Variants in NR1H4 observed in about 807,000 individuals in gnomAD.
The protein encoded by NR1H4 is bile acid receptor.
A neutral mutation model predicts 58.5 loss-of-function variants in NR1H4; 23 were observed. That is an observed-to-expected ratio of 0.39 (90% CI 0.28 to 0.56). The LOEUF (loss-of-function observed/expected upper bound fraction) is 0.56. Ranked by LOEUF, NR1H4 falls within the 20% of genes least tolerant of loss-of-function variation. NR1H4 has a pLI of 0.58. For synonymous variants in NR1H4, 214 were observed against 198.0 expected (o/e 1.08, Z -0.68); for missense variants, 487 against 576.9 (o/e 0.84, Z 1.60).
chr12:100,542,225 TA>T (rs1954954682), intron 9 of NR1H4, among the ~76,000 whole-genome samples: 1 of 152,120 alleles, frequency 6.6e-6, no homozygotes, highest in Non-Finnish European at 1.5e-5. Flanking sequence ...TACGTGCCTG[TA>T]ATCCCAGTTA....
intron 1 of NR1H4, among the ~76,000 whole-genome samples, chr12:100,485,379 T>C (rs1365169836): frequency 2.0e-5 from 3 of 152,206 alleles, no homozygotes; most frequent in African/African-American, 4.8e-5. Flanking sequence ...TTTGCTGATC[T>C]CTGCAGTAGA....
chr12:100,533,906 T>G (rs760020812), intron 5 of NR1H4, among the ~76,000 whole-genome samples: 63 of 151,648 alleles, frequency 4.2e-4, no homozygotes, highest in Admixed American at 9.8e-4. Context: ...TTTTTTTTTG[T>G]TGAGACGGAG....
intron 5 of NR1H4, among the ~76,000 whole-genome samples, chr12:100,533,670 T>C (rs1954746805): frequency 6.6e-6 from 1 of 152,218 alleles, no homozygotes; most frequent in Admixed American, 6.5e-5. Context: ...TTGTTCCAGC[T>C]GGAGCGCTGA....
chr12:100,544,111 G>A (rs1239761531), intron 9 of NR1H4, among the ~76,000 whole-genome samples: 1 of 151,930 alleles, frequency 6.6e-6, no homozygotes. Context: ...AATTAGTCAG[G>A]CGTGGTGGCG....
intron 8 of NR1H4, among the ~76,000 whole-genome samples, chr12:100,539,834 G>A (rs1462526313): frequency 6.6e-6 from 1 of 152,214 alleles, no homozygotes; most frequent in Non-Finnish European, 1.5e-5. Context: ...AAAGCAGGTA[G>A]AGACTAGTAG....
chr12:100,531,787 C>T (rs1323540368), intron 4 of NR1H4, among the ~76,000 whole-genome samples: 1 of 151,916 alleles, frequency 6.6e-6, no homozygotes, highest in Non-Finnish European at 1.5e-5. Context: ...TAACAGGCTG[C>T]AGCTGTGCTA....
chr12:100,510,986 C>T lies in NR1H4; in HGVS notation c.288C>T (p.Leu96=), dbSNP rs1954098576. Residue 96 remains leucine (L), a synonymous_variant, in exon 4 of 11, where the codon CTC becomes CTT. Transcript: ENST00000392986. ...YELRRMPAET[L]YQGETEVAEM... is the part of the protein sequence containing the mutation. The stretch of plus-strand genomic sequence containing the variant: ...TCAGGCGTATGCCAGCTGAGACTCT[C>T]TACCAGGGAGAAACTGAGGTAGCAG... The T allele has an allele frequency of 1.2e-5, 19 of 1,614,144 alleles. No individual in the cohort carries two copies. The highest frequency in any genetic ancestry group is 1.6e-5 in the Non-Finnish European group (19 of 1,180,050).
intron 3 of NR1H4, among the ~76,000 whole-genome samples, chr12:100,497,414 A>G (rs1953740149): frequency 6.6e-6 from 1 of 152,180 alleles, no homozygotes; most frequent in African/African-American, 2.4e-5. Flanking sequence ...CCGAGATCAG[A>G]GACGGGCTGA....
chr12:100,550,501 G>A (rs1955180296), intron 9 of NR1H4, among the ~76,000 whole-genome samples: 1 of 151,950 alleles, frequency 6.6e-6, no homozygotes, highest in Non-Finnish European at 1.5e-5. Flanking sequence ...AGAAGCTGGG[G>A]TTACAGGCGA....
chr12:100,496,449 C>T (rs75521895), intron 3 of NR1H4, among the ~76,000 whole-genome samples: 10,368 of 152,020 alleles, frequency 0.068, 666 homozygotes, highest in African/African-American at 0.16. Context: ...ACAAGTGCAA[C>T]GGCCCAAAGT....
chr12:100,536,860 C>T, intron 7 of NR1H4, 88 bp from the exon 8 acceptor site: 1 of 838,624 alleles, frequency 1.2e-6, no homozygotes, highest in East Asian at 2.6e-5. Flanking sequence ...ATTTTATCAT[C>T]TAAACCTAGT....
At chr12:100,532,309 A>G (rs1954712713) in intron 4 of NR1H4, 149 bp from the exon 5 acceptor site, 1 of 663,188 alleles carries the variant, frequency 1.5e-6, no homozygotes, top group Non-Finnish European at 2.7e-6. Flanking sequence ...AATGTCACAT[A>G]AAGTATTTGT....
chr12:100,562,887 A>T (rs1008873148), intron 10 of NR1H4, among the ~76,000 whole-genome samples: 2 of 152,210 alleles, frequency 1.3e-5, no homozygotes, highest in Non-Finnish European at 2.9e-5. Flanking sequence ...ATGACTTGTG[A>T]CTAAAAAACT....
intron 3 of NR1H4, among the ~76,000 whole-genome samples, chr12:100,507,714 C>T (rs1316778460): frequency 3.3e-5 from 5 of 152,236 alleles, no homozygotes; most frequent in Middle Eastern, 3.4e-3. Context: ...CCACCTGCCT[C>T]GGCCTCCCAA....
At chr12:100,494,262 TTC>T (rs1379393916) in intron 3 of NR1H4, among the ~76,000 whole-genome samples, 3 of 152,218 alleles carry the variant, frequency 2.0e-5, no homozygotes, top group African/African-American at 2.4e-5. Context: ...TAATAATTTG[TTC>T]TGTTACCTAT....
At chr12:100,520,456 G>A (rs1191104128) in intron 4 of NR1H4, among the ~76,000 whole-genome samples, 1 of 152,110 alleles carries the variant, frequency 6.6e-6, no homozygotes, top group African/African-American at 2.4e-5. Flanking sequence ...CCCGCCGGTT[G>A]CTTTTCTGCC....
At chr12:100,546,908 C>G (rs930911632) in intron 9 of NR1H4, among the ~76,000 whole-genome samples, 3 of 152,096 alleles carry the variant, frequency 2.0e-5, no homozygotes, top group African/African-American at 7.2e-5. Flanking sequence ...TAAGAAAACC[C>G]TCTGCCTGAC....
intron 1 of NR1H4, among the ~76,000 whole-genome samples, chr12:100,476,084 A>C (rs1214016116): frequency 1.3e-5 from 2 of 152,142 alleles, no homozygotes; most frequent in African/African-American, 2.4e-5. Flanking sequence ...AGACTCAAAA[A>C]ATACAAGTGA....
In NR1H4 at chr12:100,503,450, G is replaced by A. The variant is rs1282014472; in HGVS notation, c.80-7328G>A. 8.8e-6 allele frequency: 14 copies of A among 1,597,438 alleles called. No individual in the cohort carries two copies. Among genetic ancestry groups the A allele is most frequent in the East Asian group, 4.5e-5 (2 of 44,860 alleles). ...AAATTAGTCCTCACTGCAGCTGTAC[G>A]CCGTCAGGATTTTTCATGGAAATGA... On this transcript the variant is annotated intron_variant, in intron 3 of 10. Transcript: ENST00000392986.
Sources: allele counts gnomAD v4.1 joint callset (sites outside exome capture counted in the v4.1 genomes callset), GRCh38; gene constraint gnomAD v4.1.1; transcripts MANE v1.5; gene names NCBI Gene and HGNC (gene_info 2026-07-23, HGNC 2026-07-21).